CCL15: variants seen among roughly 807,000 people sequenced by gnomAD.
The protein encoded by CCL15 is C-C motif chemokine ligand 15, also known as C-C motif chemokine 15.
Under a neutral mutation model 10.6 loss-of-function variants are expected in CCL15, and 8 were observed. That is an observed-to-expected ratio of 0.75 (90% CI 0.44 to 1.36). CCL15 has a LOEUF of 1.36. Among genes scored for constraint, CCL15 ranks in the 40% most tolerant of loss-of-function variants. The pLI, the probability that CCL15 is intolerant of heterozygous loss-of-function variation, is 0.00. For missense variants in CCL15, 128 were observed against 136.6 expected (o/e 0.94, Z 0.32); for synonymous variants, 51 against 48.8 (o/e 1.04, Z -0.19).
chr17:36,001,402 G>T lies in CCL15; in HGVS notation c.76+15C>A. 6.2e-7 allele frequency: 1 copy of T among 1,614,062 alleles called. No individual in the cohort carries two copies. Among genetic ancestry groups the T allele is most frequent in the Non-Finnish European group, 8.5e-7 (1 of 1,179,930 alleles). Reference sequence around the variant, plus strand: ...CATGGACCTGGTCACCTGGGAGAAAGCTCACTGGACTCACCATTTGTGAAC... The same window carrying T: ...CATGGACCTGGTCACCTGGGAGAAATCTCACTGGACTCACCATTTGTGAAC... On this transcript the variant is annotated intron_variant, in intron 1 of 3. Transcript: ENST00000617897.
chr17:35,998,126 G>A lies in CCL15; in HGVS notation c.248+154C>T, dbSNP rs117227806. The stretch of plus-strand genomic sequence containing the variant: ...TCTCCACTGGGAGTGTCTCATCCCT[G>A]ATGCCCTGCAGAATCCTCGTAAGGA... On this transcript the variant is annotated intron_variant, in intron 3 of 3. Coordinates refer to ENST00000617897, the MANE Select transcript of CCL15 (RefSeq NM_032965.6). 1.5e-3 allele frequency among the ~76,000 whole-genome samples: 221 copies of A among 152,240 alleles called. 2 individuals carry two copies. In the Middle Eastern group the frequency reaches 0.02, roughly 14 times the overall value.
At chr17:36,000,137 T>G (rs1292796030) in intron 1 of CCL15, among the ~76,000 whole-genome samples, 3 of 112,692 alleles carry the variant, frequency 2.7e-5, no homozygotes, top group African/African-American at 7.5e-5. Flanking sequence ...GGCGACAGAG[T>G]GAGACTCCAT....
chr17:36,001,518 C>T lies in CCL15; in HGVS notation c.-26G>A, dbSNP rs62078126. 6.2e-7 allele frequency: 1 copy of T among 1,612,286 alleles called. No homozygotes were observed. The highest frequency in any genetic ancestry group is 1.7e-5 in the Admixed American group (1 of 59,964). On this transcript the variant is annotated 5_prime_UTR_variant, in exon 1 of 4. Coordinates refer to ENST00000617897, the MANE Select transcript of CCL15 (RefSeq NM_032965.6). ...CCTCCTGGTGGGCAGGCAGGGCTGG[C>T]CGAGGACTCCTGGGCTCACTGCTTC...
chr17:35,999,651 A>G (rs953186367), intron 1 of CCL15, among the ~76,000 whole-genome samples: 1 of 151,872 alleles, frequency 6.6e-6, no homozygotes, highest in African/African-American at 2.4e-5. Context: ...TTTTGTAGTG[A>G]TGAGGTCTTG....
In CCL15 at chr17:35,998,880, G is replaced by A. The variant is rs762100497; in HGVS notation, c.122C>T (p.Pro41Leu). 6.2e-6 allele frequency: 10 copies of A among 1,613,704 alleles called. No homozygotes were observed. Among genetic ancestry groups the A allele is most frequent in the Non-Finnish European group, 8.5e-6 (10 of 1,179,688 alleles). Residue 41 changes from proline to leucine, a missense_variant, in exon 2 of 4, where the codon CCA (proline) becomes CTA (leucine). Transcript: ENST00000617897. ...TGATCACTTACTGTTCAGAACTACT[G>A]GATTTTCCAGTGGAAGCTTTGACAT... The part of the protein sequence containing the change: ...LMMSKLPLEN[P>L]VVLNSFHFAA...
Position 35,999,254 on chromosome 17 carries a change from T to C in CCL15, c.77-329A>G, listed in dbSNP as rs148405002. On this transcript the variant is annotated intron_variant, in intron 1 of 3. Transcript: ENST00000617897. ...TTTTTCTACACATTTCTGGAATAAT[T>C]TTTTATTATAGGGCTCTGGAAACAG... 4.5e-4 allele frequency among the ~76,000 whole-genome samples: 68 copies of C among 152,308 alleles called. No homozygotes were observed. In the East Asian group the frequency reaches 9.4e-3, roughly 21 times the overall value.
At chr17:35,998,153 A>G in intron 3 of CCL15, 127 bp downstream of exon 3, 1 of 664,130 alleles carries the variant, frequency 1.5e-6, no homozygotes, top group Admixed American at 2.6e-5. Flanking sequence ...TCGTAAGGAC[A>G]CAGCTGCCCT....
intron 2 of CCL15, 142 bp from the exon 3 acceptor site, chr17:35,998,533 C>T (rs1490417315): frequency 1.4e-6 from 1 of 712,344 alleles, no homozygotes; most frequent in African/African-American, 1.8e-5. Flanking sequence ...AGACCCTCCC[C>T]AGGGTTTTGC....
intron 1 of CCL15, among the ~76,000 whole-genome samples, chr17:36,000,817 TGTGACTCCTGCCC>T (rs906644942): frequency 5.0e-4 from 76 of 151,548 alleles, no homozygotes; most frequent in African/African-American, 7.0e-4. Context: ...CCCTCCTGTT[TGTGACTCCTGCCC>T]GTGACTCCTG....
At chr17:35,999,320 A>C (rs1317560017) in intron 1 of CCL15, among the ~76,000 whole-genome samples, 1 of 152,114 alleles carries the variant, frequency 6.6e-6, no homozygotes, top group Non-Finnish European at 1.5e-5. Flanking sequence ...GTATCCCCTT[A>C]AGTGAAGTGA....
At position 36,001,440 on chromosome 17, in the gene CCL15, C is replaced by A; in HGVS notation, c.53G>T (p.Gly18Val). ...ACCATTTGTGAACTGGGCCTGGGAT[C>A]CAAGGACAGCAACAAGCATGAGGCA... Reference protein sequence around the residue: ...LSCLMLVAVLGSQAQFTNDAE... With the variant: ...LSCLMLVAVLVSQAQFTNDAE... The change falls in exon 1 of 4, where the codon GGA (glycine) becomes GTA (valine). Residue 18 changes from glycine to valine, a missense_variant. Coordinates refer to ENST00000617897, the MANE Select transcript of CCL15 (RefSeq NM_032965.6). The A allele has an allele frequency of 6.2e-7, 1 of 1,614,142 alleles. No homozygotes were observed. Among genetic ancestry groups the A allele is most frequent in the East Asian group, 2.2e-5 (1 of 44,888 alleles).
chr17:35,998,696 G>T (rs1171616664), intron 2 of CCL15, among the ~76,000 whole-genome samples, 170 bp downstream of exon 2: 1 of 152,222 alleles, frequency 6.6e-6, no homozygotes, highest in Non-Finnish European at 1.5e-5. Flanking sequence ...AACAGAGAAG[G>T]CATCTATGGA....
In CCL15 at chr17:36,001,553, C is replaced by T. The variant is rs950615274; in HGVS notation, c.-61G>A. 3.7e-5 allele frequency: 59 copies of T among 1,604,056 alleles called. No individual in the cohort carries two copies. In the East Asian group the frequency reaches 4.5e-4, roughly 12 times the overall value. ...CTGGGCTCACTGCTTCCTGGCTCCCCGGGATACCAGCTCTGCCCTTGTATT... is the reference window on the plus strand; with the variant it reads ...CTGGGCTCACTGCTTCCTGGCTCCCTGGGATACCAGCTCTGCCCTTGTATT... On this transcript the variant is annotated 5_prime_UTR_variant, in exon 1 of 4. Coordinates refer to ENST00000617897, the MANE Select transcript of CCL15 (RefSeq NM_032965.6).
Position 35,998,344 on chromosome 17 carries a change from T to C in CCL15, c.184A>G (p.Ile62Val), listed in dbSNP as rs2089942666. The change falls in exon 3 of 4, where the codon ATC (isoleucine) becomes GTC (valine). Residue 62 changes from isoleucine (I) to valine (V), a missense_variant. By Grantham distance (29) the Ile-to-Val change is conservative (BLOSUM62 3). Transcript: ENST00000617897. The part of the protein sequence containing the change: ...DCCTSYISQS[I>V]PCSLMKSYFE... ...TAACTTTTCATGAGTGAACACGGGA[T>C]GCTTTGTGAGATGTAGGAGGTGCAG... The C allele has an allele frequency of 1.2e-6, 2 of 1,614,102 alleles. No homozygotes were observed. The highest frequency in any genetic ancestry group is 1.7e-5 in the Admixed American group (1 of 60,010).
chr17:35,997,602 T>A lies in CCL15; in HGVS notation c.*165A>T, dbSNP rs1434870094. 1.8e-6 allele frequency: 1 copy of A among 554,168 alleles called. No homozygotes were observed. The highest frequency in any genetic ancestry group is 3.2e-6 in the Non-Finnish European group (1 of 314,656). 34.3% of individuals were successfully genotyped at this position (554,168 alleles called of 1,614,324 possible). ...GTTGCTTCAGTTTTATATTAGTTTATTTCCTCTTAAAACTCAAGCAAAGTT... is the reference window on the plus strand; with the variant it reads ...GTTGCTTCAGTTTTATATTAGTTTAATTCCTCTTAAAACTCAAGCAAAGTT... On this transcript the variant is annotated 3_prime_UTR_variant, in exon 4 of 4. Transcript: ENST00000617897.
chr17:35,998,249 C>T (rs1040438871), intron 3 of CCL15, 31 bp downstream of exon 3: 1 of 1,471,466 alleles, frequency 6.8e-7, no homozygotes, highest in Non-Finnish European at 9.5e-7. Context: ...TGCTTCTTCC[C>T]CAACACATGG....
intron 1 of CCL15, among the ~76,000 whole-genome samples, chr17:35,999,160 A>G (rs576428771): frequency 6.6e-6 from 1 of 152,318 alleles, no homozygotes; most frequent in African/African-American, 2.4e-5. Context: ...ACTCTGAAAT[A>G]CTAAAAGCAA....
In CCL15 at chr17:35,997,801, T is replaced by C; in HGVS notation, c.308A>G (p.Asp103Gly). The change falls in exon 4 of 4, where the codon GAT becomes GGT. Residue 103 changes from aspartate to glycine, a missense_variant. Coordinates refer to ENST00000617897, the MANE Select transcript of CCL15 (RefSeq NM_032965.6). ...GTAGGGCTTCAGCTTTTTCATGCAA[T>C]CCTGAACTCCCGGACCACTGGGTTT... ...CAKPSGPGVQ[D>G]CMKKLKPYSI is the part of the protein sequence containing the mutation. 1 of 1,614,012 alleles carries C rather than the reference T, an allele frequency of 6.2e-7. No homozygotes were observed. The highest frequency in any genetic ancestry group is 1.1e-5 in the South Asian group (1 of 91,068).
chr17:36,000,411 C>T (rs1403280380), intron 1 of CCL15, among the ~76,000 whole-genome samples: 11 of 139,978 alleles, frequency 7.9e-5, no homozygotes, highest in African/African-American at 1.4e-4. Context: ...TTCAGTGATC[C>T]GAGATCGCAC....
Sources: gnomAD v4.1 joint callset for allele counts (sites outside exome capture counted in the v4.1 genomes callset) on GRCh38, gnomAD v4.1.1 for gene constraint, MANE v1.5 for transcripts, NCBI Gene and HGNC (gene_info 2026-07-23, HGNC 2026-07-21) for gene names.